MMS22L: variants seen among roughly 807,000 people sequenced by gnomAD.
MMS22L encodes MMS22 like, DNA repair protein.
In MMS22L, 74 loss-of-function variants were observed where a neutral mutation model predicts 159.1. The observed-to-expected ratio is 0.47, with a 90% CI of 0.39 to 0.56. MMS22L has a LOEUF of 0.56. Among genes scored for constraint, MMS22L ranks in the 20% least tolerant of loss-of-function variants. MMS22L has a pLI of 0.00. For missense variants in MMS22L, 1,351 were observed against 1,422.1 expected (o/e 0.95, Z 0.80); for synonymous variants, 517 against 506.9 (o/e 1.02, Z -0.27).
chr6:97,268,638 T>C (rs777092148), intron 7 of MMS22L, among the ~76,000 whole-genome samples: 3 of 151,964 alleles, frequency 2.0e-5, no homozygotes, highest in Non-Finnish European at 2.9e-5. Context: ...AACAAAGCCT[T>C]TAAAACATTA....
chr6:97,231,555 C>G lies in MMS22L; in HGVS notation c.1400G>C (p.Cys467Ser). 6.2e-7 allele frequency: 1 copy of G among 1,613,734 alleles called. No individual in the cohort carries two copies. Among genetic ancestry groups the G allele is most frequent in the Non-Finnish European group, 8.5e-7 (1 of 1,179,830 alleles). The change falls in exon 13 of 25, where the codon TGC becomes TCC. Residue 467 changes from cysteine to serine, a missense_variant. Coordinates refer to ENST00000683635, the MANE Select transcript of MMS22L (RefSeq NM_001350599.2). ...SMLEMVKTCC[C>S]DKQDQELYKS... ...ATATAGTTCCTGATCTTGTTTATCG[C>G]AACAGCAAGTCTTCACCATTTCAAG...
At chr6:97,231,225 T>A (rs1419084503) in intron 13 of MMS22L, 3 of 526,262 alleles carry the variant, frequency 5.7e-6, no homozygotes, top group Non-Finnish European at 1.0e-5. Context: ...ACAAAAGTTT[T>A]ATATGTTGAA....
chr6:97,151,228 G>C (rs1170639130), intron 23 of MMS22L, among the ~76,000 whole-genome samples: 2 of 152,154 alleles, frequency 1.3e-5, no homozygotes, highest in Non-Finnish European at 2.9e-5. Flanking sequence ...TGGTAGTTCA[G>C]TACAATAAGA....
chr6:97,201,221 T>C (rs1313663270), intron 14 of MMS22L, among the ~76,000 whole-genome samples: 1 of 152,160 alleles, frequency 6.6e-6, no homozygotes, highest in Non-Finnish European at 1.5e-5. Flanking sequence ...TAATAAAGTA[T>C]TTCCAACAGA....
intron 11 of MMS22L, among the ~76,000 whole-genome samples, chr6:97,241,262 A>G (rs576793775): frequency 1.9e-4 from 29 of 152,328 alleles, no homozygotes; most frequent in Admixed American, 6.5e-4. Flanking sequence ...TTGTGCTGCT[A>G]TAAACATGCA....
chr6:97,200,771 G>C (rs1807057256), intron 14 of MMS22L, among the ~76,000 whole-genome samples: 1 of 152,020 alleles, frequency 6.6e-6, no homozygotes, highest in East Asian at 1.9e-4. Flanking sequence ...TGTCAAACAA[G>C]GAAGAAATGG....
intron 11 of MMS22L, among the ~76,000 whole-genome samples, chr6:97,242,233 C>T (rs1398080809): frequency 6.6e-6 from 1 of 152,046 alleles, no homozygotes; most frequent in Non-Finnish European, 1.5e-5. Context: ...TGCCATCTAT[C>T]TCATTTCTTA....
intron 15 of MMS22L, among the ~76,000 whole-genome samples, chr6:97,185,042 C>G (rs1474209491): frequency 6.6e-6 from 1 of 152,140 alleles, no homozygotes; most frequent in African/African-American, 2.4e-5. Context: ...CTTCAGACTT[C>G]TGCAAAGCAT....
intron 14 of MMS22L, among the ~76,000 whole-genome samples, chr6:97,213,118 A>G (rs933534373): frequency 2.6e-5 from 4 of 152,122 alleles, no homozygotes; most frequent in African/African-American, 9.7e-5. Flanking sequence ...GAAGAAAATG[A>G]GGTTGCAGCC....
At chr6:97,261,179 A>C (rs1364666153) in intron 9 of MMS22L, 3 of 152,208 alleles carry the variant, frequency 2.0e-5, no homozygotes, top group Admixed American at 2.0e-4. Flanking sequence ...CCTTGCTAGA[A>C]AGGCTCGTGG....
At chr6:97,155,802 A>G (rs922292915) in intron 22 of MMS22L, among the ~76,000 whole-genome samples, 5 of 152,194 alleles carry the variant, frequency 3.3e-5, no homozygotes, top group Non-Finnish European at 7.3e-5. Context: ...ATATGTGTAC[A>G]TGTGTCTTTT....
intron 23 of MMS22L, 47 bp downstream of exon 23, chr6:97,151,724 A>G: frequency 6.9e-7 from 1 of 1,452,376 alleles, no homozygotes; most frequent in Non-Finnish European, 9.7e-7. Flanking sequence ...TTGGCTGTCA[A>G]ATGGCTGGCA....
chr6:97,222,062 A>G (rs555672874), intron 14 of MMS22L, among the ~76,000 whole-genome samples: 1 of 152,218 alleles, frequency 6.6e-6, no homozygotes, highest in African/African-American at 2.4e-5. Flanking sequence ...CAGCCCCTCA[A>G]GTGAACAGTT....
chr6:97,215,503 A>T (rs1808911506), intron 14 of MMS22L, among the ~76,000 whole-genome samples: 1 of 152,132 alleles, frequency 6.6e-6, no homozygotes, highest in Non-Finnish European at 1.5e-5. Flanking sequence ...GCATTTGCAC[A>T]CCGGGGTTAC....
chr6:97,148,094 T>A (rs1320315613), intron 24 of MMS22L, among the ~76,000 whole-genome samples: 4 of 152,168 alleles, frequency 2.6e-5, no homozygotes, highest in Non-Finnish European at 5.9e-5. Flanking sequence ...ATTATAATGG[T>A]ACTGAAAAAT....
At chr6:97,244,539 C>T (rs570139841) in intron 11 of MMS22L, among the ~76,000 whole-genome samples, 29 of 152,264 alleles carry the variant, frequency 1.9e-4, no homozygotes, top group African/African-American at 7.0e-4. Context: ...CAGCTGTCAG[C>T]TCAGCCAGAA....
Position 97,229,291 on chromosome 6 carries a change from C to T in MMS22L, c.1642G>A (p.Ala548Thr). ...LAAVAEVEDV[A>T]SHVLDLLNFL... ...TTCAGGAGGTCTAAAACATGACTTGCAACATCTTCTACCTCTGCAACAGCT... is the reference window on the plus strand; with the variant it reads ...TTCAGGAGGTCTAAAACATGACTTGTAACATCTTCTACCTCTGCAACAGCT... The change falls in exon 14 of 25, where the codon GCA (alanine) becomes ACA (threonine). Residue 548 changes from alanine to threonine, a missense_variant. Physicochemically the swap from Ala to Thr is moderately conservative, Grantham distance 58. Transcript: ENST00000683635. 6.2e-7 allele frequency: 1 copy of T among 1,614,126 alleles called. No individual in the cohort carries two copies.
intron 6 of MMS22L, chr6:97,271,067 G>A (rs1330247450): frequency 6.6e-6 from 1 of 151,930 alleles, no homozygotes; most frequent in Non-Finnish European, 1.5e-5. Context: ...TATATACCTA[G>A]AGAGTTCTTA....
In MMS22L at chr6:97,142,795, G is replaced by A. The variant is rs1209288883; in HGVS notation, c.*4011C>T. The A allele has an allele frequency of 1.3e-5, 2 of 152,050 alleles. No homozygotes were observed. Among genetic ancestry groups the A allele is most frequent in the East Asian group, 1.9e-4 (1 of 5,200 alleles). The allele number at this position is 152,050 out of a possible 1,614,324, so 9.4% of individuals were successfully genotyped here. ...TGTGAAAGTACACAGAAGCAGGTCCGTGTAATTATTTAAGAACAAGGTAGT... is the reference window on the plus strand; with the variant it reads ...TGTGAAAGTACACAGAAGCAGGTCCATGTAATTATTTAAGAACAAGGTAGT... On this transcript the variant is annotated 3_prime_UTR_variant, in exon 25 of 25. Coordinates refer to ENST00000683635, the MANE Select transcript of MMS22L (RefSeq NM_001350599.2).
Sources: gnomAD v4.1 joint callset for allele counts (sites outside exome capture counted in the v4.1 genomes callset) on GRCh38, gnomAD v4.1.1 for gene constraint, MANE v1.5 for transcripts, NCBI Gene and HGNC (gene_info 2026-07-23, HGNC 2026-07-21) for gene names.